The following TRAPPC9 variants were observed in gnomAD, a reference collection of about 807,000 sequenced individuals.
TRAPPC9 encodes IKK2 binding protein.
In TRAPPC9, 83 loss-of-function variants were observed where a neutral mutation model predicts 124.0. That is an observed-to-expected ratio of 0.67 (90% CI 0.56 to 0.80). The LOEUF (loss-of-function observed/expected upper bound fraction) is 0.80, where lower values mean the gene tolerates loss of function less well. Ranked by LOEUF, TRAPPC9 falls within the 30% of genes least tolerant of loss-of-function variation. The probability of loss-of-function intolerance (pLI) is 0.00; values close to 1 mark genes in which losing one functional copy is unlikely to be tolerated. For missense variants in TRAPPC9, 1,302 were observed against 1,508.3 expected, an observed-to-expected ratio of 0.86 and a Z score of 2.27; for synonymous variants, 638 against 617.5, an observed-to-expected ratio of 1.03 and a Z score of -0.49.
chr8:140,287,069 G>C (rs1402556496), intron 13 of TRAPPC9, among the ~76,000 whole-genome samples: 1 of 152,134 alleles, frequency 6.6e-6, no homozygotes, highest in Non-Finnish European at 1.5e-5. Context: ...GTATCCAGAG[G>C]GTAGGCTCGC....
chr8:139,956,746 CGTT>C (rs1835015599), intron 19 of TRAPPC9, among the ~76,000 whole-genome samples: 1 of 152,166 alleles, frequency 6.6e-6, no homozygotes, highest in South Asian at 2.1e-4. Flanking sequence ...CGCGTAGACT[CGTT>C]GTGCCACCCC....
chr8:139,835,680 G>A (rs754472047), intron 21 of TRAPPC9, among the ~76,000 whole-genome samples: 9 of 152,104 alleles, frequency 5.9e-5, no homozygotes, highest in African/African-American at 1.9e-4. Context: ...TAATTAAGGC[G>A]GAGATTGATA....
intron 17 of TRAPPC9, among the ~76,000 whole-genome samples, chr8:140,103,099 C>T (rs941605220): frequency 3.3e-5 from 5 of 152,148 alleles, no homozygotes; most frequent in African/African-American, 7.2e-5. Context: ...ACAGCACAGA[C>T]GAGAGGACCG....
intron 16 of TRAPPC9, among the ~76,000 whole-genome samples, chr8:140,246,843 G>A (rs540567715): frequency 6.6e-6 from 1 of 152,112 alleles, no homozygotes; most frequent in Non-Finnish European, 1.5e-5. Context: ...AAATTACCCA[G>A]GTGTGGTGGC....
intron 16 of TRAPPC9, among the ~76,000 whole-genome samples, chr8:140,239,006 T>A (rs977593551): frequency 1.8e-4 from 27 of 151,698 alleles, no homozygotes; most frequent in African/African-American, 6.3e-4. Flanking sequence ...GCTGCAGACA[T>A]AGGGGCTTCC....
At chr8:140,106,354 GA>G (rs2060665189) in intron 17 of TRAPPC9, among the ~76,000 whole-genome samples, 1 of 151,936 alleles carries the variant, frequency 6.6e-6, no homozygotes, top group African/African-American at 2.4e-5. Context: ...AGATCAAAAA[GA>G]ATTTCCCAAC....
Position 140,360,046 on chromosome 8 carries a change from T to G in TRAPPC9, c.1495+4A>C. 1 of 1,613,548 alleles carries G rather than the reference T, an allele frequency of 6.2e-7. No homozygotes were observed. The highest frequency in any genetic ancestry group is 8.5e-7 in the Non-Finnish European group (1 of 1,179,656). Reference sequence around the variant, plus strand: ...AAAAAACATTGTGGTTTGAGCTCACTCACCCTGATCCGACAAGAAGTCCAG... The same window carrying G: ...AAAAAACATTGTGGTTTGAGCTCACGCACCCTGATCCGACAAGAAGTCCAG... On this transcript the variant is annotated splice_donor_region_variant and intron_variant, in intron 9 of 22. Coordinates refer to ENST00000438773, the MANE Select transcript of TRAPPC9 (RefSeq NM_001160372.4).
chr8:139,737,610 G>C (rs187291488), intron 21 of TRAPPC9, among the ~76,000 whole-genome samples: 1 of 152,332 alleles, frequency 6.6e-6, no homozygotes, highest in East Asian at 1.9e-4. Context: ...CCTCTTGGCA[G>C]GACTGGCTCC....
chr8:139,894,814 A>G (rs1830561870), intron 20 of TRAPPC9, among the ~76,000 whole-genome samples: 1 of 152,150 alleles, frequency 6.6e-6, no homozygotes, highest in Admixed American at 6.5e-5. Flanking sequence ...TCATGGGCAC[A>G]CGAAGTCACG....
At chr8:140,049,155 C>CAGAAACTCAT (rs1201811964) in intron 17 of TRAPPC9, among the ~76,000 whole-genome samples, 1 of 152,144 alleles carries the variant, frequency 6.6e-6, no homozygotes, top group Non-Finnish European at 1.5e-5. Context: ...GATATGGAAA[C>CAGAAACTCAT]AGAAACTCAT....
intron 17 of TRAPPC9, chr8:140,098,470 C>G (rs1349561768): frequency 6.6e-6 from 1 of 152,044 alleles, no homozygotes; most frequent in East Asian, 2.0e-4. Context: ...AAAACGCCCC[C>G]CAGGGTTCTC....
chr8:140,129,349 G>T (rs2061161371), intron 17 of TRAPPC9, among the ~76,000 whole-genome samples: 1 of 152,148 alleles, frequency 6.6e-6, no homozygotes, highest in Admixed American at 6.5e-5. Flanking sequence ...GGATGAAGTG[G>T]ACATCCGTGT....
intron 21 of TRAPPC9, among the ~76,000 whole-genome samples, chr8:139,813,741 G>A (rs547015112): frequency 2.6e-5 from 4 of 152,318 alleles, no homozygotes; most frequent in Admixed American, 6.5e-5. Context: ...TGGGCTGCCT[G>A]GGGACACAGA....
intron 18 of TRAPPC9, among the ~76,000 whole-genome samples, chr8:140,020,165 T>C (rs1391988873): frequency 6.6e-6 from 1 of 152,226 alleles, no homozygotes; most frequent in African/African-American, 2.4e-5. Context: ...ATTAATTTTA[T>C]TGTTACTATT....
At chr8:139,855,717 C>T (rs865776684) in intron 21 of TRAPPC9, among the ~76,000 whole-genome samples, 1 of 152,202 alleles carries the variant, frequency 6.6e-6, no homozygotes, top group Non-Finnish European at 1.5e-5. Flanking sequence ...TGTCCAGGAG[C>T]GGCATGTGGG....
At chr8:140,156,400 C>T (rs1414066995) in intron 17 of TRAPPC9, among the ~76,000 whole-genome samples, 3 of 152,266 alleles carry the variant, frequency 2.0e-5, no homozygotes, top group Non-Finnish European at 4.4e-5. Context: ...GGGGATCCTG[C>T]GAGGCTCAAA....
chr8:139,875,504 T>C (rs1418064972), intron 21 of TRAPPC9, among the ~76,000 whole-genome samples: 1 of 152,226 alleles, frequency 6.6e-6, no homozygotes, highest in Non-Finnish European at 1.5e-5. Flanking sequence ...AGAAGGTAAC[T>C]ACTTTTGTAA....
At chr8:140,128,500 T>C (rs1023318065) in intron 17 of TRAPPC9, among the ~76,000 whole-genome samples, 1 of 152,218 alleles carries the variant, frequency 6.6e-6, no homozygotes, top group Non-Finnish European at 1.5e-5. Flanking sequence ...GGCTAGGGTA[T>C]AAACTGTGTC....
chr8:140,272,290 A>AGTGACAGTGGTG (rs2064953455), intron 15 of TRAPPC9, among the ~76,000 whole-genome samples: 1 of 141,780 alleles, frequency 7.1e-6, no homozygotes, highest in South Asian at 2.3e-4. Flanking sequence ...TGGTGGTGGC[A>AGTGACAGTGGTG]GTTGTGACAG....
Sources: gnomAD v4.1 joint callset for allele counts (sites outside exome capture counted in the v4.1 genomes callset) on GRCh38, gnomAD v4.1.1 for gene constraint, MANE v1.5 for transcripts, NCBI Gene and HGNC (gene_info 2026-07-23, HGNC 2026-07-21) for gene names.